SAMD5: variants seen among roughly 807,000 people sequenced by gnomAD.
SAMD5 encodes the protein sterile alpha motif domain-containing protein 5.
SAMD5 carries 13 observed loss-of-function variants against 11.3 expected under a neutral mutation model. The ratio of observed to expected loss-of-function variants is 1.15; its 90% CI spans 0.75 to 1.83. SAMD5 has a LOEUF of 1.83. Ranked by LOEUF, SAMD5 falls within the 40% of genes most tolerant of loss-of-function variation. The pLI, the probability that SAMD5 is intolerant of heterozygous loss-of-function variation, is 0.00. For synonymous variants in SAMD5, 129 were observed against 111.3 expected, an observed-to-expected ratio of 1.16 and a Z score of -1.00; for missense variants, 255 against 239.1, an observed-to-expected ratio of 1.07 and a Z score of -0.44.
chr6:147,629,411 G>T (rs566502602), intron 1 of SAMD5, among the ~76,000 whole-genome samples: 8 of 152,150 alleles, frequency 5.3e-5, no homozygotes, highest in Non-Finnish European at 1.0e-4. Context: ...AGGGTAGAAT[G>T]ACAAAGAAAT....
chr6:147,790,791 TCTCTCTCTC>T, the SAMD5 span, among the ~76,000 whole-genome samples: 5 of 96,030 alleles, frequency 5.2e-5, no homozygotes, highest in African/African-American at 1.8e-4. Flanking sequence ...TCTCTCTCTC[TCTCTCTCTC>T]TCTCTCTCTC....
the SAMD5 span, among the ~76,000 whole-genome samples, chr6:147,938,395 A>G: frequency 1.3e-5 from 2 of 152,226 alleles, no homozygotes; most frequent in Non-Finnish European, 2.9e-5. Context: ...TTGTGCTACT[A>G]ATCTATCAGA....
intron 1 of SAMD5, among the ~76,000 whole-genome samples, chr6:147,661,101 C>G (rs753384300): frequency 2.0e-5 from 3 of 152,040 alleles, no homozygotes; most frequent in African/African-American, 7.2e-5. Context: ...TGACAATAGG[C>G]AATTATATGT....
intron 1 of SAMD5, among the ~76,000 whole-genome samples, chr6:147,528,643 C>T (rs894430587): frequency 6.6e-6 from 1 of 152,138 alleles, no homozygotes; most frequent in Non-Finnish European, 1.5e-5. Flanking sequence ...TACCACCTGA[C>T]TTAGAAAGTT....
chr6:147,904,700 C>T, the SAMD5 span, among the ~76,000 whole-genome samples: 106 of 152,294 alleles, frequency 7.0e-4, no homozygotes, highest in African/African-American at 2.4e-3. Context: ...GCTAAGGAGC[C>T]TGGGACTCTT....
the SAMD5 span, among the ~76,000 whole-genome samples, chr6:147,904,899 T>G: frequency 3.9e-4 from 60 of 152,160 alleles, 1 homozygote; most frequent in African/African-American, 1.4e-3. Flanking sequence ...GCCTTTTTTT[T>G]TTTTTTGAGG....
chr6:147,691,528 T>A (rs1173562654), intron 1 of SAMD5, among the ~76,000 whole-genome samples: 1 of 152,192 alleles, frequency 6.6e-6, no homozygotes, highest in African/African-American at 2.4e-5. Flanking sequence ...TATAAAGTGA[T>A]AAAAATATGT....
In SAMD5 at chr6:147,569,840, T is replaced by C; in HGVS notation, c.*5384T>C. ...GAAAGCAGCAGTTTGGTTTTGTAAA[T>C]GTAATTGCAATTGACACTTTCTTTT... is the stretch of plus-strand genomic sequence containing the variant. On this transcript the variant is annotated 3_prime_UTR_variant, in exon 2 of 2. Transcript: ENST00000367474. 1.0e-6 allele frequency: 1 copy of C among 985,124 alleles called. No individual in the cohort carries two copies. Among genetic ancestry groups the C allele is most frequent in the Non-Finnish European group, 1.2e-6 (1 of 829,632 alleles). The allele number at this position is 985,124 out of a possible 1,614,324, so 61.0% of individuals were successfully genotyped here.
chr6:147,877,881 C>CACACACACGATA, the SAMD5 span, among the ~76,000 whole-genome samples: 3 of 82,372 alleles, frequency 3.6e-5, no homozygotes, highest in African/African-American at 1.4e-4. Context: ...CACACACACA[C>CACACACACGATA]GATAGATAGA....
chr6:147,704,161 C>T (rs1336935239), intron 1 of SAMD5, among the ~76,000 whole-genome samples: 2 of 152,146 alleles, frequency 1.3e-5, no homozygotes, highest in Non-Finnish European at 2.9e-5. Flanking sequence ...TCCCAAGGTG[C>T]TGGGATTACA....
chr6:147,749,791 A>G, the SAMD5 span, among the ~76,000 whole-genome samples: 1 of 152,310 alleles, frequency 6.6e-6, no homozygotes, highest in African/African-American at 2.4e-5. Flanking sequence ...TGTAACCTCC[A>G]AAAATAGAAA....
At chr6:147,678,123 A>T (rs1040332856) in intron 1 of SAMD5, among the ~76,000 whole-genome samples, 7 of 152,174 alleles carry the variant, frequency 4.6e-5, no homozygotes, top group African/African-American at 1.7e-4. Flanking sequence ...CTTATTTTAT[A>T]CGCCTGACTT....
intron 1 of SAMD5, among the ~76,000 whole-genome samples, chr6:147,591,370 C>T (rs552995363): frequency 5.3e-5 from 8 of 152,290 alleles, no homozygotes; most frequent in South Asian, 4.1e-4. Context: ...GTGCCCAGCA[C>T]GGGACCCTGC....
At chr6:147,596,424 C>T (rs1336619241) in intron 1 of SAMD5, among the ~76,000 whole-genome samples, 3 of 152,098 alleles carry the variant, frequency 2.0e-5, no homozygotes, top group Admixed American at 1.3e-4. Context: ...ACCTATTAGT[C>T]TGTGGTTATG....
At chr6:147,650,168 A>G (rs1366068247) in intron 1 of SAMD5, among the ~76,000 whole-genome samples, 1 of 152,214 alleles carries the variant, frequency 6.6e-6, no homozygotes, top group African/African-American at 2.4e-5. Context: ...CATTTATTCA[A>G]TGCCAGACAT....
chr6:147,857,700 C>G, the SAMD5 span, among the ~76,000 whole-genome samples: 1 of 151,718 alleles, frequency 6.6e-6, no homozygotes, highest in Non-Finnish European at 1.5e-5. Flanking sequence ...TTTTTTCTTT[C>G]ATTTGAAATA....
chr6:147,530,085 T>A lies in SAMD5; in HGVS notation c.459+20698T>A, dbSNP rs549446282. Reference sequence around the variant, plus strand: ...GTTTTTACCATATATGGGGACGATTTTTTCCCCCTGGTATTTAGGCTTTGC... The same window carrying A: ...GTTTTTACCATATATGGGGACGATTATTTCCCCCTGGTATTTAGGCTTTGC... On this transcript the variant is annotated intron_variant, in intron 1 of 1. Transcript: ENST00000367474. Among the ~76,000 whole-genome samples, 76 of 152,348 alleles carry A rather than the reference T, an allele frequency of 5.0e-4. 3 individuals carry two copies. In the South Asian group the frequency reaches 0.015, roughly 30 times the overall value.
chr6:147,552,337 T>A (rs186864876), intron 1 of SAMD5, among the ~76,000 whole-genome samples: 21 of 152,330 alleles, frequency 1.4e-4, no homozygotes, highest in African/African-American at 4.1e-4. Context: ...AATGCAAGCA[T>A]GTTATAGTTG....
chr6:147,790,810 CT>C, the SAMD5 span, among the ~76,000 whole-genome samples: 14 of 123,650 alleles, frequency 1.1e-4, no homozygotes, highest in Non-Finnish European at 1.7e-4. Flanking sequence ...CTCTCTCTCT[CT>C]CTCTCTCTCT....
Sources: allele counts gnomAD v4.1 joint callset (sites outside exome capture counted in the v4.1 genomes callset), GRCh38; gene constraint gnomAD v4.1.1; transcripts MANE v1.5; gene names NCBI Gene and HGNC (gene_info 2026-07-23, HGNC 2026-07-21).